The following TENM4 variants were observed in gnomAD, a reference collection of about 807,000 sequenced individuals.
The protein encoded by TENM4 is teneurin transmembrane protein 4.
A neutral mutation model predicts 243.3 loss-of-function variants in TENM4; 82 were observed. That is an observed-to-expected ratio of 0.34 (90% CI 0.28 to 0.40). TENM4 has a LOEUF of 0.40. TENM4 is among the 10% of genes least tolerant of loss of function. The pLI, the probability that TENM4 is intolerant of heterozygous loss-of-function variation, is 1.00. For synonymous variants in TENM4, 1,412 were observed against 1,456.3 expected (o/e 0.97, Z 0.69); for missense variants, 3,138 against 3,673.3 (o/e 0.85, Z 3.77).
In TENM4 at chr11:79,226,090, A is replaced by G. The variant is rs896761938; in HGVS notation, c.-264-10181T>C. On this transcript the variant is annotated intron_variant, in intron 2 of 33. Transcript: ENST00000278550. The stretch of plus-strand genomic sequence containing the variant: ...TTTGATCCTCCTGGTGTTTTCTTTA[A>G]TCTAGTAACAGTCAGAATAAAACCT... Among the ~76,000 whole-genome samples the G allele has an allele frequency of 3.9e-5, 6 of 152,104 alleles. No individual in the cohort carries two copies. The East Asian group carries it at 9.6e-4, about 24-fold the overall frequency.
intron 6 of TENM4, among the ~76,000 whole-genome samples, chr11:78,934,997 C>CAT (rs1191791018): frequency 3.7e-5 from 3 of 81,114 alleles, no homozygotes; most frequent in African/African-American, 1.6e-4. Context: ...AAGTATGCAA[C>CAT]TTTTTTTTTT....
At chr11:79,306,778 C>A (rs1410066441) in intron 1 of TENM4, among the ~76,000 whole-genome samples, 2 of 152,100 alleles carry the variant, frequency 1.3e-5, no homozygotes, top group African/African-American at 4.8e-5. Context: ...ATGTGGCCTA[C>A]CTGAGGCTGC....
chr11:79,123,600 T>TTTTA (rs1555012887), intron 4 of TENM4, among the ~76,000 whole-genome samples: 1 of 22,518 alleles, frequency 4.4e-5, no homozygotes, highest in South Asian at 8.8e-4. Flanking sequence ...CAGTAGCCCC[T>TTTTA]TTTTTTTTTT....
intron 6 of TENM4, among the ~76,000 whole-genome samples, chr11:79,017,655 G>A (rs892477089): frequency 6.6e-6 from 1 of 152,100 alleles, no homozygotes. Flanking sequence ...TAAGCCAAGT[G>A]AGCATATTAC....
chr11:79,207,865 C>CAAA (rs569705318), intron 3 of TENM4, among the ~76,000 whole-genome samples: 10 of 66,644 alleles, frequency 1.5e-4, no homozygotes, highest in Admixed American at 1.8e-4. Flanking sequence ...GACTCTGTCT[C>CAAA]AAAAAAAAAA....
At chr11:79,086,700 G>A (rs1860817937) in intron 4 of TENM4, among the ~76,000 whole-genome samples, 1 of 151,962 alleles carries the variant, frequency 6.6e-6, no homozygotes, top group African/African-American at 2.4e-5. Flanking sequence ...TGGGTGTGGT[G>A]GCTTATGCCT....
intron 1 of TENM4, among the ~76,000 whole-genome samples, chr11:79,355,072 C>A (rs942625660): frequency 6.6e-6 from 1 of 152,178 alleles, no homozygotes; most frequent in Non-Finnish European, 1.5e-5. Context: ...CAAAGCCAAA[C>A]CTTTTTAACT....
chr11:78,858,175 C>A (rs1858723131), intron 10 of TENM4, among the ~76,000 whole-genome samples: 1 of 152,100 alleles, frequency 6.6e-6, no homozygotes, highest in African/African-American at 2.4e-5. Flanking sequence ...CCTCAATGAG[C>A]GTATTTTTAG....
Position 78,932,286 on chromosome 11 carries a change from C to T in TENM4, c.494-28763G>A, listed in dbSNP as rs76160402. 5.1e-3 allele frequency among the ~76,000 whole-genome samples: 777 copies of T among 152,304 alleles called. 4 individuals are homozygous for T. Among genetic ancestry groups the T allele is most frequent in the African/African-American group, 0.018 (742 of 41,556 alleles). The stretch of plus-strand genomic sequence containing the variant: ...CACCACCACCCCCAGGTTGTAGGAG[C>T]TCCAGCCCTATGAGATGATGGGCTA... On this transcript the variant is annotated intron_variant, in intron 6 of 33. Transcript: ENST00000278550.
chr11:79,175,811 G>T (rs960673093), intron 3 of TENM4, among the ~76,000 whole-genome samples: 2 of 152,130 alleles, frequency 1.3e-5, no homozygotes, highest in African/African-American at 4.8e-5. Context: ...AAATAGTCAG[G>T]CTGGGTGTGG....
chr11:79,183,783 AAATG>A (rs962533769), intron 3 of TENM4, among the ~76,000 whole-genome samples: 1 of 152,218 alleles, frequency 6.6e-6, no homozygotes, highest in Non-Finnish European at 1.5e-5. Context: ...GAGAGAAATA[AAATG>A]AATGAATGAA....
intron 10 of TENM4, among the ~76,000 whole-genome samples, chr11:78,862,623 T>C (rs1245782160): frequency 6.6e-5 from 10 of 152,026 alleles, no homozygotes; most frequent in Admixed American, 6.6e-4. Flanking sequence ...TGCCCAACTG[T>C]CCCATGAGGT....
intron 2 of TENM4, among the ~76,000 whole-genome samples, chr11:79,224,256 A>G (rs537046538): frequency 6.6e-6 from 1 of 152,204 alleles, no homozygotes; most frequent in African/African-American, 2.4e-5. Flanking sequence ...GTCTTAAACA[A>G]TCCTGCCTCA....
At chr11:79,253,089 G>A (rs551495667) in intron 2 of TENM4, among the ~76,000 whole-genome samples, 6 of 152,326 alleles carry the variant, frequency 3.9e-5, no homozygotes, top group East Asian at 3.9e-4. Flanking sequence ...AGTGTCACAC[G>A]AAAGTAAACT....
intron 3 of TENM4, among the ~76,000 whole-genome samples, chr11:79,167,116 C>T (rs751540322): frequency 3.4e-5 from 5 of 148,074 alleles, no homozygotes; most frequent in Non-Finnish European, 6.1e-5. Context: ...CGGTTCAGGC[C>T]GGCACGGCAG....
intron 3 of TENM4, among the ~76,000 whole-genome samples, chr11:79,151,991 G>C (rs1354694767): frequency 6.6e-6 from 1 of 152,082 alleles, no homozygotes; most frequent in African/African-American, 2.4e-5. Context: ...AGATGACATT[G>C]TCCTTGAATG....
intron 1 of TENM4, among the ~76,000 whole-genome samples, chr11:79,301,125 C>G (rs984438328): frequency 6.6e-6 from 1 of 152,214 alleles, no homozygotes; most frequent in Non-Finnish European, 1.5e-5. Flanking sequence ...CTCCAATTCT[C>G]TCACCACCTG....
At chr11:79,006,283 C>A (rs1858483818) in intron 6 of TENM4, among the ~76,000 whole-genome samples, 1 of 152,168 alleles carries the variant, frequency 6.6e-6, no homozygotes, top group East Asian at 1.9e-4. Flanking sequence ...ATGGGTGGCA[C>A]CTTACCTATT....
intron 1 of TENM4, among the ~76,000 whole-genome samples, chr11:79,419,500 G>A (rs1180175199): frequency 6.6e-6 from 1 of 152,206 alleles, no homozygotes; most frequent in African/African-American, 2.4e-5. Flanking sequence ...TAGTAAGTCA[G>A]GGATGGATAG....
Sources: allele counts gnomAD v4.1 joint callset (sites outside exome capture counted in the v4.1 genomes callset), GRCh38; gene constraint gnomAD v4.1.1; transcripts MANE v1.5; gene names NCBI Gene and HGNC (gene_info 2026-07-23, HGNC 2026-07-21).